ANKS1B: variants seen among roughly 807,000 people sequenced by gnomAD.
ANKS1B encodes the protein ankyrin repeat and sterile alpha motif domain-containing protein 1B.
ANKS1B carries 36 observed loss-of-function variants against 148.3 expected under a neutral mutation model. The ratio of observed to expected loss-of-function variants is 0.24; its 90% confidence interval spans 0.19 to 0.32. The LOEUF (loss-of-function observed/expected upper bound fraction) is 0.32. ANKS1B is among the 10% of genes least tolerant of loss of function. ANKS1B has a pLI of 1.00. For synonymous variants in ANKS1B, 542 were observed against 560.8 expected, an observed-to-expected ratio of 0.97 and a Z score of 0.47; for missense variants, 1,157 against 1,542.6, an observed-to-expected ratio of 0.75 and a Z score of 4.19.
At chr12:99,282,241 T>C (rs1024306928) in intron 12 of ANKS1B, among the ~76,000 whole-genome samples, 16 of 152,166 alleles carry the variant, frequency 1.1e-4, no homozygotes, top group Non-Finnish European at 5.9e-5. Flanking sequence ...GCAGAGGAAA[T>C]AGCAGGTGCG....
At chr12:99,308,651 A>C (rs2082683028) in intron 12 of ANKS1B, among the ~76,000 whole-genome samples, 1 of 151,880 alleles carries the variant, frequency 6.6e-6, no homozygotes, top group African/African-American at 2.4e-5. Context: ...TAAGATCCAA[A>C]AAAAACTTTG....
chr12:99,634,531 A>C (rs1437903137), intron 9 of ANKS1B, among the ~76,000 whole-genome samples: 1 of 152,224 alleles, frequency 6.6e-6, no homozygotes, highest in African/African-American at 2.4e-5. Flanking sequence ...ATAAAAAGAG[A>C]CTTGAAAACA....
chr12:99,287,655 A>C (rs2154005675), intron 12 of ANKS1B, among the ~76,000 whole-genome samples: 1 of 152,346 alleles, frequency 6.6e-6, no homozygotes, highest in African/African-American at 2.4e-5. Context: ...AAAATTTAAG[A>C]TAACACAGAG....
intron 9 of ANKS1B, among the ~76,000 whole-genome samples, chr12:99,543,863 C>A (rs1453984583): frequency 6.6e-6 from 1 of 151,970 alleles, no homozygotes; most frequent in African/African-American, 2.4e-5. Flanking sequence ...ATATGGGACA[C>A]CGAAGCTAAT....
At chr12:99,033,489 A>T (rs536258367) in intron 17 of ANKS1B, among the ~76,000 whole-genome samples, 1 of 152,270 alleles carries the variant, frequency 6.6e-6, no homozygotes. Context: ...AAATCAATTT[A>T]TAGAAGTAAC....
rs924026013 is a variant in ANKS1B, at chr12:99,493,805, T to C, written c.1438+10671A>G. On this transcript the variant is annotated intron_variant, in intron 10 of 26. Coordinates refer to ENST00000683438, the MANE Select transcript of ANKS1B (RefSeq NM_001352186.2). Reference sequence around the variant, plus strand: ...GATATATAAGTAAATAAGTAGATGATATTAAGTAGATATACAAGTAAAGAT... The same window carrying C: ...GATATATAAGTAAATAAGTAGATGACATTAAGTAGATATACAAGTAAAGAT... Among the ~76,000 whole-genome samples the C allele has an allele frequency of 2.6e-5, 4 of 152,136 alleles. No individual in the cohort carries two copies. The East Asian group carries it at 7.7e-4, about 29-fold the overall frequency.
intron 9 of ANKS1B, among the ~76,000 whole-genome samples, chr12:99,587,830 T>C (rs1289431959): frequency 6.6e-6 from 1 of 151,954 alleles, no homozygotes; most frequent in Non-Finnish European, 1.5e-5. Context: ...AGGTAAAAAA[T>C]AGTTAAATCC....
At chr12:99,982,522 T>C (rs937687961) in intron 1 of ANKS1B, among the ~76,000 whole-genome samples, 6 of 152,204 alleles carry the variant, frequency 3.9e-5, no homozygotes, top group African/African-American at 1.2e-4. Context: ...TCTTTCAGCA[T>C]ACCAGTTTTT....
intron 4 of ANKS1B, among the ~76,000 whole-genome samples, chr12:99,786,666 T>C (rs967676738): frequency 6.6e-6 from 1 of 152,122 alleles, no homozygotes; most frequent in African/African-American, 2.4e-5. Context: ...CAGATCCTCA[T>C]CCAAAATGTA....
chr12:99,685,404 T>C (rs2098643660), intron 8 of ANKS1B, among the ~76,000 whole-genome samples: 1 of 152,158 alleles, frequency 6.6e-6, no homozygotes. Context: ...CCCAGAAGAA[T>C]GGCCATAATT....
At chr12:99,732,713 A>C (rs139335057) in intron 8 of ANKS1B, among the ~76,000 whole-genome samples, 1 of 152,332 alleles carries the variant, frequency 6.6e-6, no homozygotes, top group East Asian at 1.9e-4. Context: ...TGAATCCTGA[A>C]TGAATTTTAT....
intron 8 of ANKS1B, among the ~76,000 whole-genome samples, chr12:99,712,119 G>A (rs575951362): frequency 2.0e-5 from 3 of 152,124 alleles, no homozygotes; most frequent in East Asian, 1.9e-4. Flanking sequence ...TTGCCTGTTC[G>A]CACTTACAAG....
chr12:98,920,200 T>C (rs1394977895), intron 17 of ANKS1B, among the ~76,000 whole-genome samples: 1 of 152,212 alleles, frequency 6.6e-6, no homozygotes, highest in Non-Finnish European at 1.5e-5. Context: ...GCATTCTCTG[T>C]AAAGCCACAC....
chr12:99,531,353 G>A (rs1159793052), intron 9 of ANKS1B, among the ~76,000 whole-genome samples: 1 of 151,928 alleles, frequency 6.6e-6, no homozygotes, highest in Non-Finnish European at 1.5e-5. Context: ...TAAATTATAG[G>A]AACCTCCCAA....
At chr12:99,062,519 A>T (rs1295616074) in intron 16 of ANKS1B, among the ~76,000 whole-genome samples, 1 of 152,150 alleles carries the variant, frequency 6.6e-6, no homozygotes, top group East Asian at 1.9e-4. Context: ...GGGAAATAAG[A>T]GTGTCAAGGA....
intron 17 of ANKS1B, among the ~76,000 whole-genome samples, chr12:98,981,985 C>A (rs943660733): frequency 6.6e-6 from 1 of 152,172 alleles, no homozygotes; most frequent in South Asian, 2.1e-4. Context: ...TTATAAAGGA[C>A]ATTAAACTGA....
At chr12:99,042,001 A>AAAC (rs541198777) in intron 17 of ANKS1B, among the ~76,000 whole-genome samples, 1 of 152,182 alleles carries the variant, frequency 6.6e-6, no homozygotes, top group Non-Finnish European at 1.5e-5. Context: ...CCCTGTCTCG[A>AAAC]AACAACAACA....
chr12:99,983,040 T>C lies in ANKS1B; in HGVS notation c.134+1064A>G, dbSNP rs146942880. 5.8e-3 allele frequency among the ~76,000 whole-genome samples: 888 copies of C among 152,322 alleles called. 2 individuals carry two copies. The highest frequency in any genetic ancestry group is 0.01 in the Non-Finnish European group (695 of 68,032). On this transcript the variant is annotated intron_variant, in intron 1 of 26. Transcript: ENST00000683438. ...ACTTGTCAAGGGTAGCATGGAACAG[T>C]TTTTAAAAAACCAGGGAAATCACTT...
At chr12:98,984,302 A>G (rs1316300476) in intron 17 of ANKS1B, among the ~76,000 whole-genome samples, 2 of 152,216 alleles carry the variant, frequency 1.3e-5, no homozygotes, top group Non-Finnish European at 2.9e-5. Flanking sequence ...ACTGTATAGT[A>G]TACACTCAGA....
Sources: gnomAD v4.1 joint callset for allele counts (sites outside exome capture counted in the v4.1 genomes callset) on GRCh38, gnomAD v4.1.1 for gene constraint, MANE v1.5 for transcripts, NCBI Gene and HGNC (gene_info 2026-07-23, HGNC 2026-07-21) for gene names.